Variants in CYP2C19 observed in about 807,000 individuals in gnomAD.
The protein encoded by CYP2C19 is cytochrome P450 family 2 subfamily C member 19, also known as cytochrome P450 2C19.
CYP2C19 carries 59 observed loss-of-function variants against 40.9 expected under a neutral mutation model. The ratio of observed to expected loss-of-function variants is 1.44; its 90% CI spans 1.17 to 1.79. The LOEUF is 1.79. CYP2C19 is among the 40% of genes most tolerant of loss of function. The pLI is 0.00. For missense variants in CYP2C19, 754 were observed against 596.9 expected, an observed-to-expected ratio of 1.26 and a Z score of -2.74; for synonymous variants, 253 against 208.7, an observed-to-expected ratio of 1.21 and a Z score of -1.83.
intron 1 of CYP2C19, among the ~76,000 whole-genome samples, chr10:94,769,929 G>A (rs1848303295): frequency 6.6e-6 from 1 of 152,166 alleles, no homozygotes; most frequent in African/African-American, 2.4e-5. Flanking sequence ...TAATAAGGGT[G>A]TGGGACTTTC....
intron 7 of CYP2C19, among the ~76,000 whole-genome samples, chr10:94,843,441 CT>C (rs1202052034): frequency 6.6e-6 from 1 of 152,140 alleles, no homozygotes; most frequent in East Asian, 1.9e-4. Flanking sequence ...TTTATTTGCA[CT>C]TTCTTTATTT....
At chr10:94,850,626 T>C (rs1849638415) in intron 8 of CYP2C19, among the ~76,000 whole-genome samples, 1 of 152,184 alleles carries the variant, frequency 6.6e-6, no homozygotes, top group Non-Finnish European at 1.5e-5. Flanking sequence ...TGCTTCTTGT[T>C]ATCTTATAAC....
At chr10:94,765,002 G>A (rs1206640790) in intron 1 of CYP2C19, among the ~76,000 whole-genome samples, 4 of 152,126 alleles carry the variant, frequency 2.6e-5, no homozygotes, top group African/African-American at 9.7e-5. Flanking sequence ...CTAAGAAGGT[G>A]CAGAGTCCTC....
intron 8 of CYP2C19, among the ~76,000 whole-genome samples, chr10:94,852,467 G>A (rs1328586368): frequency 6.6e-6 from 1 of 152,106 alleles, no homozygotes. Flanking sequence ...TTGAATACAT[G>A]GTGCTTGATA....
rs1041987233 is a variant in CYP2C19 at position 94,781,754 on chromosome 10, G to A, written c.643-67G>A. The A allele has an allele frequency of 8.2e-6, 6 of 734,698 alleles. No individual in the cohort carries two copies. The African/African-American group carries it at 9.3e-5, about 11-fold the overall frequency. The allele number at this position is 734,698 out of a possible 1,614,324, so 45.5% of individuals were successfully genotyped here. On this transcript the variant is annotated intron_variant, in intron 4 of 8. Coordinates refer to ENST00000371321, the MANE Select transcript of CYP2C19 (RefSeq NM_000769.4). ...TTTATAGTTTTAAATTACAACCAGA[G>A]CTTGGCATATTGTATCTATACCTTT...
At chr10:94,764,117 C>G (rs1458635237) in intron 1 of CYP2C19, among the ~76,000 whole-genome samples, 2 of 152,036 alleles carry the variant, frequency 1.3e-5, no homozygotes, top group Admixed American at 6.5e-5. Context: ...AGTGTGGACC[C>G]AAAGAGTGAG....
chr10:94,780,719 C>A, intron 4 of CYP2C19, 60 bp downstream of exon 4: 1 of 1,580,652 alleles, frequency 6.3e-7, no homozygotes, highest in Non-Finnish European at 8.7e-7. Flanking sequence ...CTGGGAAATC[C>A]AAAATTCTAT....
At chr10:94,844,311 C>T (rs540918115) in intron 7 of CYP2C19, among the ~76,000 whole-genome samples, 4 of 152,250 alleles carry the variant, frequency 2.6e-5, no homozygotes, top group South Asian at 4.1e-4. Flanking sequence ...CCTCTCCCAT[C>T]GGCAGTCATA....
chr10:94,839,019 G>C (rs1008057601), intron 6 of CYP2C19, among the ~76,000 whole-genome samples: 8 of 152,058 alleles, frequency 5.3e-5, no homozygotes, highest in African/African-American at 1.9e-4. Flanking sequence ...TGCCTTGGGG[G>C]AAATGTTTCC....
chr10:94,786,393 G>T (rs1848541336), intron 5 of CYP2C19, among the ~76,000 whole-genome samples: 1 of 151,930 alleles, frequency 6.6e-6, no homozygotes, highest in Non-Finnish European at 1.5e-5. Flanking sequence ...AATTTATTTA[G>T]GTATTAGATA....
chr10:94,771,386 G>A (rs1848328766), intron 1 of CYP2C19, among the ~76,000 whole-genome samples: 1 of 152,126 alleles, frequency 6.6e-6, no homozygotes, highest in African/African-American at 2.4e-5. Flanking sequence ...TTGCATAGTT[G>A]TGTATTCTTC....
At chr10:94,817,206 G>C (rs902212143) in intron 5 of CYP2C19, among the ~76,000 whole-genome samples, 1 of 146,244 alleles carries the variant, frequency 6.8e-6, no homozygotes, top group African/African-American at 2.5e-5. Context: ...CAGTGTAAAA[G>C]TGTTCCCATT....
intron 5 of CYP2C19, among the ~76,000 whole-genome samples, chr10:94,810,519 C>CT (rs59589203): frequency 0.033 from 4,957 of 151,668 alleles, 229 homozygotes; most frequent in African/African-American, 0.099. Context: ...AGGTCCTGGG[C>CT]TTTTTTTTGC....
chr10:94,809,749 A>C (rs1427986209), intron 5 of CYP2C19, among the ~76,000 whole-genome samples: 5 of 152,138 alleles, frequency 3.3e-5, no homozygotes, highest in Admixed American at 3.3e-4. Flanking sequence ...ATCAAAATCT[A>C]GTTTATTGAG....
chr10:94,846,327 G>A (rs1849572527), intron 7 of CYP2C19, among the ~76,000 whole-genome samples: 1 of 152,088 alleles, frequency 6.6e-6, no homozygotes, highest in Non-Finnish European at 1.5e-5. Flanking sequence ...TATGACTTTG[G>A]CAAGAAAACT....
intron 3 of CYP2C19, among the ~76,000 whole-genome samples, chr10:94,777,705 A>T (rs1848427109): frequency 6.6e-6 from 1 of 152,108 alleles, no homozygotes; most frequent in Non-Finnish European, 1.5e-5. Context: ...AACCCTAGAG[A>T]AAAACCCAGG....
At chr10:94,829,372 C>G (rs1157679969) in intron 6 of CYP2C19, among the ~76,000 whole-genome samples, 1 of 152,150 alleles carries the variant, frequency 6.6e-6, no homozygotes, top group Non-Finnish European at 1.5e-5. Context: ...TCTTTTTATT[C>G]TTTTTACTCT....
At chr10:94,798,814 ATTTTTTT>A (rs61240923) in intron 5 of CYP2C19, among the ~76,000 whole-genome samples, 511 of 67,722 alleles carry the variant, frequency 7.5e-3, no homozygotes, top group African/African-American at 0.025. Context: ...GCAACCCCTG[ATTTTTTT>A]TTTTTTTTTT....
At position 94,792,261 on chromosome 10, in the gene CYP2C19, C is replaced by T. The variant is rs532652076; in HGVS notation, c.819+10264C>T. Among the ~76,000 whole-genome samples the T allele has an allele frequency of 3.3e-5, 5 of 152,182 alleles. No homozygotes were observed. In the East Asian group the frequency reaches 9.6e-4, roughly 29 times the overall value. On this transcript the variant is annotated intron_variant, in intron 5 of 8. Coordinates refer to ENST00000371321, the MANE Select transcript of CYP2C19 (RefSeq NM_000769.4). ...TATTTTGAGCCTATGTGTGTCTGCA[C>T]GTGAGATAAGTCACCTCAATTCAGC...
Sources: gnomAD v4.1 joint callset for allele counts (sites outside exome capture counted in the v4.1 genomes callset) on GRCh38, gnomAD v4.1.1 for gene constraint, MANE v1.5 for transcripts, NCBI Gene and HGNC (gene_info 2026-07-23, HGNC 2026-07-21) for gene names.